ZNF292: variants seen among roughly 807,000 people sequenced by gnomAD.
ZNF292 encodes 16 zinc-finger domain protein.
ZNF292 carries 26 observed loss-of-function variants against 217.9 expected under a neutral mutation model. The observed-to-expected ratio is 0.12, with a 90% confidence interval of 0.09 to 0.17. The LOEUF is 0.17. Ranked by LOEUF, ZNF292 falls within the 10% of genes least tolerant of loss-of-function variation. The pLI, the probability that ZNF292 is intolerant of heterozygous loss-of-function variation, is 1.00. For missense variants in ZNF292, 2,904 were observed against 3,175.2 expected (o/e 0.91, Z 2.05); for synonymous variants, 1,257 against 1,124.1 (o/e 1.12, Z -2.37).
chr6:87,261,976 T>G lies in ZNF292; in HGVS notation c.*175T>G. 2.2e-6 allele frequency: 1 copy of G among 455,660 alleles called. No individual in the cohort carries two copies. 28.2% of individuals were successfully genotyped at this position (455,660 alleles called of 1,614,324 possible). On this transcript the variant is annotated 3_prime_UTR_variant, in exon 8 of 8. Transcript: ENST00000369577. The stretch of plus-strand genomic sequence containing the variant: ...ATTTGTCATGTAAAACTTTTTTTTA[T>G]CCCTATGGGACTTGAGGAACAGAAT...
intron 1 of ZNF292, among the ~76,000 whole-genome samples, chr6:87,161,315 C>T (rs921450222): frequency 5.3e-5 from 8 of 152,156 alleles, no homozygotes; most frequent in South Asian, 2.1e-4. Flanking sequence ...ATAAAAGATA[C>T]GGGCAACTAG....
At chr6:87,232,064 A>C (rs1773683459) in intron 4 of ZNF292, among the ~76,000 whole-genome samples, 1 of 152,168 alleles carries the variant, frequency 6.6e-6, no homozygotes, top group Admixed American at 6.5e-5. Flanking sequence ...CCAGAAACAT[A>C]TGCTTTATTT....
chr6:87,220,347 T>C (rs1417692044), intron 4 of ZNF292, among the ~76,000 whole-genome samples: 1 of 152,236 alleles, frequency 6.6e-6, no homozygotes, highest in East Asian at 1.9e-4. Flanking sequence ...CATGGTTTTA[T>C]TTAACCATCA....
At chr6:87,247,284 C>A (rs190346756) in intron 7 of ZNF292, among the ~76,000 whole-genome samples, 3 of 97,960 alleles carry the variant, frequency 3.1e-5, no homozygotes, top group Admixed American at 2.2e-4. Flanking sequence ...CACACACATG[C>A]GCACGCACGT....
intron 5 of ZNF292, among the ~76,000 whole-genome samples, chr6:87,234,580 T>C (rs1773809473): frequency 6.6e-6 from 1 of 151,948 alleles, no homozygotes; most frequent in African/African-American, 2.4e-5. Context: ...AAAATTTTTT[T>C]TAAAGAAAAC....
At chr6:87,156,835 C>G (rs1372356988) in intron 1 of ZNF292, among the ~76,000 whole-genome samples, 2 of 152,188 alleles carry the variant, frequency 1.3e-5, no homozygotes, top group African/African-American at 4.8e-5. Context: ...CATTACGAGC[C>G]TTACACTTAG....
At chr6:87,184,372 A>G (rs1400326411) in intron 1 of ZNF292, among the ~76,000 whole-genome samples, 1 of 151,728 alleles carries the variant, frequency 6.6e-6, no homozygotes, top group Non-Finnish European at 1.5e-5. Context: ...GGCCATTGCA[A>G]TTAAGTATTT....
intron 3 of ZNF292, among the ~76,000 whole-genome samples, chr6:87,217,489 A>G (rs926657092): frequency 2.6e-5 from 4 of 151,936 alleles, no homozygotes; most frequent in African/African-American, 9.7e-5. Flanking sequence ...TCCAAAAAGT[A>G]TTTTTAGGTA....
chr6:87,260,738 C>T lies in ZNF292; in HGVS notation c.7109C>T (p.Ala2370Val). The T allele has an allele frequency of 6.2e-7, 1 of 1,613,428 alleles. No individual in the cohort carries two copies. The highest frequency in any genetic ancestry group is 8.5e-7 in the Non-Finnish European group (1 of 1,179,642). Residue 2370 changes from alanine to valine, a missense_variant, in exon 8 of 8, where the codon GCT becomes GTT. Physicochemically the swap from Ala to Val is moderately conservative, Grantham distance 64 (BLOSUM62 0). Around this residue, in one of 15 missense-constraint regions of ZNF292, gnomAD observed 27 missense variants for 52.3 expected, o/e 0.52. Transcript: ENST00000369577. The stretch of plus-strand genomic sequence containing the variant: ...GGGAAGCATGTATATTCTATAAAGG[C>T]TAGAAATGATGCCCTGTCTGAGTGT... ...KRGKHVYSIKARNDALSECTS... is the reference protein window; with the variant it reads ...KRGKHVYSIKVRNDALSECTS...
chr6:87,217,948 C>G (rs1772872004), intron 3 of ZNF292, among the ~76,000 whole-genome samples: 1 of 152,088 alleles, frequency 6.6e-6, no homozygotes, highest in South Asian at 2.1e-4. Context: ...AAGTCAGGGA[C>G]TAGTTGCTCT....
chr6:87,163,044 A>T (rs992373939), intron 1 of ZNF292, among the ~76,000 whole-genome samples: 2 of 152,212 alleles, frequency 1.3e-5, no homozygotes, highest in African/African-American at 4.8e-5. Flanking sequence ...TGGCAGTTGC[A>T]CAATGTATCT....
chr6:87,245,596 G>A lies in ZNF292; in HGVS notation c.972G>A (p.Thr324=), dbSNP rs372926128. ...LERCRQLSLL[T]KTVYHIFFLI... ...GGTGTCGTCAACTTTCTTTGTTAAC[G>A]AAAACAGTATATCACATTTTCTTCC... The change falls in exon 7 of 8, where the codon ACG becomes ACA. Residue 324 remains threonine (T), a synonymous_variant. Coordinates refer to ENST00000369577, the MANE Select transcript of ZNF292 (RefSeq NM_015021.3). 2.8e-5 allele frequency: 43 copies of A among 1,548,680 alleles called. No individual in the cohort carries two copies. The highest frequency in any genetic ancestry group is 1.1e-5 in the Non-Finnish European group (13 of 1,136,074).
At chr6:87,239,282 G>C (rs967999983) in intron 5 of ZNF292, among the ~76,000 whole-genome samples, 2 of 150,220 alleles carry the variant, frequency 1.3e-5, no homozygotes, top group African/African-American at 4.9e-5. Flanking sequence ...CTCACCTCCC[G>C]GACGGGGCGC....
At chr6:87,195,004 CTG>C (rs1245034578) in intron 1 of ZNF292, among the ~76,000 whole-genome samples, 1 of 151,018 alleles carries the variant, frequency 6.6e-6, no homozygotes, top group African/African-American at 2.4e-5. Flanking sequence ...AGTAAAAACT[CTG>C]TAAAATGGGA....
Position 87,261,912 on chromosome 6 carries a change from T to A in ZNF292, c.*111T>A. 2.4e-6 allele frequency: 2 copies of A among 831,190 alleles called. No individual in the cohort carries two copies. The highest frequency in any genetic ancestry group is 3.4e-6 in the Non-Finnish European group (2 of 587,566). 51.5% of individuals were successfully genotyped at this position (831,190 alleles called of 1,614,324 possible). ...ATATTTTTTTGTTGTTGACATGAAT[T>A]AACCTGGCCAAAAACAAAAAAGAAA... On this transcript the variant is annotated 3_prime_UTR_variant, in exon 8 of 8. Transcript: ENST00000369577.
chr6:87,173,112 C>T (rs995243261), intron 1 of ZNF292, among the ~76,000 whole-genome samples: 2 of 151,910 alleles, frequency 1.3e-5, no homozygotes, highest in Admixed American at 6.5e-5. Context: ...AGAGTGACAG[C>T]AGCTCTTACT....
chr6:87,158,850 A>G (rs146077965), intron 1 of ZNF292, among the ~76,000 whole-genome samples: 1 of 152,316 alleles, frequency 6.6e-6, no homozygotes, highest in East Asian at 1.9e-4. Flanking sequence ...CCTTGAGATT[A>G]TTATTTAACT....
intron 1 of ZNF292, among the ~76,000 whole-genome samples, chr6:87,215,558 T>C (rs1358131100): frequency 1.3e-5 from 2 of 152,180 alleles, no homozygotes; most frequent in African/African-American, 4.8e-5. Context: ...TTTCAAATTC[T>C]TCACTGCATG....
intron 1 of ZNF292, among the ~76,000 whole-genome samples, chr6:87,183,618 G>A (rs2127779381): frequency 6.6e-6 from 1 of 152,174 alleles, no homozygotes; most frequent in East Asian, 1.9e-4. Context: ...TTTAAAAGGG[G>A]ATTTGAGAAT....
Sources: gnomAD v4.1 joint callset for allele counts (sites outside exome capture counted in the v4.1 genomes callset) on GRCh38, gnomAD v4.1.1 for gene constraint, gnomAD v4.1.1 regional missense constraint, MANE v1.5 for transcripts, NCBI Gene and HGNC (gene_info 2026-07-23, HGNC 2026-07-21) for gene names.